The following WWOX variants were observed in gnomAD, a reference collection of about 807,000 sequenced individuals.
The protein encoded by WWOX is WW domain containing oxidoreductase.
In WWOX, 69 loss-of-function variants were observed where a neutral mutation model predicts 46.2. The observed-to-expected ratio is 1.49, with a 90% CI of 1.23 to 1.82. The LOEUF is 1.82. Among genes scored for constraint, WWOX ranks in the 40% most tolerant of loss-of-function variants. The pLI is 0.00. For missense variants in WWOX, 919 were observed against 542.6 expected (o/e 1.69, Z -6.89); for synonymous variants, 359 against 202.6 (o/e 1.77, Z -6.56).
chr16:78,666,973 T>C (rs561720490), intron 8 of WWOX, among the ~76,000 whole-genome samples: 2 of 152,180 alleles, frequency 1.3e-5, no homozygotes, highest in Admixed American at 6.5e-5. Context: ...TAAAAGGGTT[T>C]AGGGGAAGTT....
intron 5 of WWOX, among the ~76,000 whole-genome samples, chr16:78,312,220 T>A (rs930360238): frequency 6.6e-6 from 1 of 151,862 alleles, no homozygotes; most frequent in Non-Finnish European, 1.5e-5. Flanking sequence ...TTAATTCATA[T>A]AACCTGGCGT....
chr16:78,735,681 C>A (rs1260299163), intron 8 of WWOX, among the ~76,000 whole-genome samples: 1 of 152,202 alleles, frequency 6.6e-6, no homozygotes, highest in African/African-American at 2.4e-5. Flanking sequence ...CCTGGCGTCA[C>A]CACGGCCACC....
chr16:78,901,144 C>T (rs1597126367), intron 8 of WWOX, among the ~76,000 whole-genome samples: 1 of 152,166 alleles, frequency 6.6e-6, no homozygotes, highest in South Asian at 2.1e-4. Context: ...AGTCCATTTT[C>T]ATAGGGCAAA....
intron 5 of WWOX, 99 bp downstream of exon 5, chr16:78,164,388 T>A: frequency 1.9e-6 from 2 of 1,035,500 alleles, no homozygotes; most frequent in Non-Finnish European, 2.9e-6. Context: ...TTATTGCTCT[T>A]GGAATCATGT....
intron 8 of WWOX, among the ~76,000 whole-genome samples, chr16:78,610,228 CT>C (rs1389013886): frequency 6.6e-6 from 1 of 152,132 alleles, no homozygotes. Context: ...ATAAAGATCC[CT>C]TTTACCCTCC....
chr16:78,846,259 A>C (rs931783831), intron 8 of WWOX, among the ~76,000 whole-genome samples: 1 of 152,204 alleles, frequency 6.6e-6, no homozygotes, highest in African/African-American at 2.4e-5. Context: ...TTCAGCACTG[A>C]GAAGTTAACC....
intron 8 of WWOX, among the ~76,000 whole-genome samples, chr16:78,978,669 G>A (rs577042083): frequency 6.9e-4 from 105 of 152,314 alleles, no homozygotes; most frequent in African/African-American, 2.3e-3. Flanking sequence ...GGGGAAGCAG[G>A]CACATCTTAC....
intron 8 of WWOX, among the ~76,000 whole-genome samples, chr16:78,696,164 C>G (rs1238045201): frequency 6.6e-6 from 1 of 152,148 alleles, no homozygotes; most frequent in Admixed American, 6.6e-5. Flanking sequence ...CCCTGCCTAC[C>G]TAGGGGCTAC....
At chr16:78,299,367 CT>C (rs1371945771) in intron 5 of WWOX, among the ~76,000 whole-genome samples, 1 of 151,930 alleles carries the variant, frequency 6.6e-6, no homozygotes, top group Non-Finnish European at 1.5e-5. Context: ...AGAGTGAACC[CT>C]GATTACCTAC....
At chr16:78,561,789 C>T (rs570553681) in intron 8 of WWOX, among the ~76,000 whole-genome samples, 1 of 152,246 alleles carries the variant, frequency 6.6e-6, no homozygotes, top group Admixed American at 6.5e-5. Context: ...AGTGATTTTG[C>T]CTGCAGAGAA....
intron 8 of WWOX, among the ~76,000 whole-genome samples, chr16:78,881,013 G>A (rs1190206158): frequency 2.8e-5 from 3 of 107,434 alleles, no homozygotes; most frequent in Non-Finnish European, 3.6e-5. Context: ...TTTTTTTTGA[G>A]ACAAAGTCTC....
chr16:79,187,687 A>G (rs1419940497), intron 8 of WWOX, among the ~76,000 whole-genome samples: 1 of 152,074 alleles, frequency 6.6e-6, no homozygotes, highest in Non-Finnish European at 1.5e-5. Flanking sequence ...GATTACAGGC[A>G]TGCGCCACCA....
chr16:78,480,485 G>C (rs1003446472), intron 8 of WWOX, among the ~76,000 whole-genome samples: 9 of 152,142 alleles, frequency 5.9e-5, no homozygotes, highest in Non-Finnish European at 7.3e-5. Context: ...AATATTCTTT[G>C]AAATAGGACT....
At chr16:78,195,420 C>G (rs1004927263) in intron 5 of WWOX, among the ~76,000 whole-genome samples, 1 of 152,042 alleles carries the variant, frequency 6.6e-6, no homozygotes, top group Non-Finnish European at 1.5e-5. Flanking sequence ...GGATGGCTTC[C>G]GAATGAACTC....
Position 78,101,346 on chromosome 16 carries a change from CTT to C in WWOX, c.107+1477_107+1478del, listed in dbSNP as rs71137871. Among the ~76,000 whole-genome samples the C allele has an allele frequency of 1.2e-3, 80 of 66,838 alleles. 10 individuals carry two copies. The East Asian group carries it at 0.03, about 25-fold the overall frequency. 43.8% of individuals were successfully genotyped at this position (66,838 alleles called of 152,430 possible). On this transcript the variant is annotated intron_variant, in intron 1 of 8. Transcript: ENST00000566780. ...ACAGGCGTGAGCTACCGCTCCCGGC[CTT>C]TTTTTTTTTTTTTTTAAAGACAGGG...
intron 8 of WWOX, among the ~76,000 whole-genome samples, chr16:78,812,519 C>A (rs1435719329): frequency 6.6e-6 from 1 of 151,910 alleles, no homozygotes; most frequent in Non-Finnish European, 1.5e-5. Context: ...GTCAGGAGTT[C>A]GAGACCAGCC....
In WWOX at chr16:78,674,713, C is replaced by T. The variant is rs147109015; in HGVS notation, c.1056+241961C>T. On this transcript the variant is annotated intron_variant, in intron 8 of 8. Coordinates refer to ENST00000566780, the MANE Select transcript of WWOX (RefSeq NM_016373.4). ...TACTTATTAAACAAAGAAAAATAAA[C>T]AAGAACAAATGGAGAATCTTTCACT... Among the ~76,000 whole-genome samples, 44 of 152,202 alleles carry T rather than the reference C, an allele frequency of 2.9e-4. No homozygotes were observed. In the East Asian group the frequency reaches 7.5e-3, roughly 26 times the overall value.
At position 78,972,788 on chromosome 16, in the gene WWOX, T is replaced by TAA. The variant is rs936383434; in HGVS notation, c.1057-238815_1057-238814dup. Among the ~76,000 whole-genome samples, 197 of 152,312 alleles carry TAA rather than the reference T, an allele frequency of 1.3e-3. 2 individuals carry two copies. The highest frequency in any genetic ancestry group is 4.5e-3 in the African/African-American group (187 of 41,576). On this transcript the variant is annotated intron_variant, in intron 8 of 8. Transcript: ENST00000566780. ...TATTCTCTGTGATTCAGTGGAAACA[T>TAA]AAAAAATGGTTTTTAATTTTAATTA...
intron 3 of WWOX, among the ~76,000 whole-genome samples, chr16:78,110,166 T>C (rs537647349): frequency 6.6e-6 from 1 of 151,704 alleles, no homozygotes; most frequent in South Asian, 2.1e-4. Flanking sequence ...ATGGTGAAAC[T>C]CCGTCTCTAC....
Sources: gnomAD v4.1 joint callset for allele counts (sites outside exome capture counted in the v4.1 genomes callset) on GRCh38, gnomAD v4.1.1 for gene constraint, MANE v1.5 for transcripts, NCBI Gene and HGNC (gene_info 2026-07-23, HGNC 2026-07-21) for gene names.